UGT2B7: variants seen among roughly 807,000 people sequenced by gnomAD.
UGT2B7 encodes UDP glucuronosyltransferase family 2 member B7, also known as UDP-glucuronosyltransferase 2B7.
UGT2B7 carries 51 observed loss-of-function variants against 51.9 expected under a neutral mutation model. The ratio of observed to expected loss-of-function variants is 0.98; its 90% CI spans 0.78 to 1.24. The LOEUF (loss-of-function observed/expected upper bound fraction) is 1.24. Ranked by LOEUF, UGT2B7 falls within the 50% of genes most tolerant of loss-of-function variation. The pLI, the probability that UGT2B7 is intolerant of heterozygous loss-of-function variation, is 0.00. For synonymous variants in UGT2B7, 225 were observed against 211.6 expected, an observed-to-expected ratio of 1.06 and a Z score of -0.55; for missense variants, 727 against 628.4, an observed-to-expected ratio of 1.16 and a Z score of -1.68.
At chr4:69,097,390 A>T (rs1305511545) in intron 1 of UGT2B7, 149 bp downstream of exon 1, 2 of 1,008,124 alleles carry the variant, frequency 2.0e-6, no homozygotes, top group Non-Finnish European at 2.8e-6. Flanking sequence ...TAATCTCACA[A>T]ATATTATAGA....
At chr4:69,090,491 A>G (rs2109879117) in intron 2 of UGT2B7, among the ~76,000 whole-genome samples, 1 of 152,196 alleles carries the variant, frequency 6.6e-6, no homozygotes, top group South Asian at 2.1e-4. Flanking sequence ...TTAATATATA[A>G]AATCAAGGAG....
intron 1 of UGT2B7, among the ~76,000 whole-genome samples, chr4:69,060,874 G>C (rs1364843243): frequency 1.3e-5 from 2 of 152,190 alleles, no homozygotes; most frequent in Non-Finnish European, 2.9e-5. Flanking sequence ...TTTAGAGACT[G>C]TGAGTACCCT....
chr4:69,088,348 G>T (rs1719006744), intron 1 of UGT2B7, among the ~76,000 whole-genome samples: 1 of 151,280 alleles, frequency 6.6e-6, no homozygotes, highest in African/African-American at 2.4e-5. Flanking sequence ...TCTAAAGTGT[G>T]TTTTTTTCAA....
Position 69,107,303 on chromosome 4 carries a change from G to T in UGT2B7, c.1090+41G>T. The stretch of plus-strand genomic sequence containing the variant: ...ACAAATACTGAATATATTAGTAACA[G>T]CACATTAGAGTGTTAATAGTTCATC... On this transcript the variant is annotated intron_variant, in intron 4 of 5. Coordinates refer to ENST00000305231, the MANE Select transcript of UGT2B7 (RefSeq NM_001074.4). 2.6e-6 allele frequency: 4 copies of T among 1,540,862 alleles called. No homozygotes were observed. The Admixed American group carries it at 5.8e-5, about 22-fold the overall frequency.
chr4:69,064,086 A>AAGAGAG (rs1560499729), intron 1 of UGT2B7, among the ~76,000 whole-genome samples: 7 of 102,536 alleles, frequency 6.8e-5, no homozygotes, highest in South Asian at 3.0e-4. Context: ...GAAAGAAAGA[A>AAGAGAG]AGAAAGAAAG....
chr4:69,097,774 G>A (rs1426084052), intron 1 of UGT2B7, among the ~76,000 whole-genome samples: 1 of 152,002 alleles, frequency 6.6e-6, no homozygotes, highest in African/African-American at 2.4e-5. Flanking sequence ...GCAATTTGAA[G>A]TTTCTAATGT....
At chr4:69,081,878 G>GT (rs1375991875) in intron 1 of UGT2B7, among the ~76,000 whole-genome samples, 3 of 151,968 alleles carry the variant, frequency 2.0e-5, no homozygotes, top group Non-Finnish European at 2.9e-5. Flanking sequence ...ACATATTTAG[G>GT]TTTTTTTGTT....
chr4:69,087,687 A>G (rs1482064201), intron 1 of UGT2B7, among the ~76,000 whole-genome samples: 1 of 150,086 alleles, frequency 6.7e-6, no homozygotes, highest in Non-Finnish European at 1.5e-5. Context: ...AGGTTTGAAG[A>G]ATTGCTTCGG....
At chr4:69,052,569 CAAAAAA>C (rs1204317464) in intron 1 of UGT2B7, among the ~76,000 whole-genome samples, 67 of 64,692 alleles carry the variant, frequency 1.0e-3, no homozygotes, top group Non-Finnish European at 1.4e-3. Context: ...TGGTTATCTT[CAAAAAA>C]AAAAAAAAAA....
At chr4:69,088,082 T>A (rs1719001474) in intron 1 of UGT2B7, among the ~76,000 whole-genome samples, 1 of 152,022 alleles carries the variant, frequency 6.6e-6, no homozygotes, top group Admixed American at 6.6e-5. Context: ...GTTTTCTTAA[T>A]AATGTTTGAT....
intron 1 of UGT2B7, among the ~76,000 whole-genome samples, chr4:69,082,295 A>G (rs1718855672): frequency 6.6e-6 from 1 of 152,020 alleles, no homozygotes; most frequent in African/African-American, 2.4e-5. Context: ...TTTCACTTTA[A>G]ATCAAAAGCT....
Position 69,096,862 on chromosome 4 carries a change from A to G in UGT2B7, c.342A>G (p.Glu114=), listed in dbSNP as rs1719247758. The stretch of plus-strand genomic sequence containing the variant: ...GGTTATATTTTTCACAAGTACAGGA[A>G]ATCATGTCAATATTTGGTGACATAA... ...TFWLYFSQVQ[E]IMSIFGDITR... The change falls in exon 1 of 6, where the codon GAA becomes GAG. Residue 114 remains glutamate, a synonymous_variant. Coordinates refer to ENST00000305231, the MANE Select transcript of UGT2B7 (RefSeq NM_001074.4). 1 of 1,613,638 alleles carries G rather than the reference A, an allele frequency of 6.2e-7. No individual in the cohort carries two copies. Among genetic ancestry groups the G allele is most frequent in the Non-Finnish European group, 8.5e-7 (1 of 1,179,840 alleles).
chr4:69,091,945 C>A (rs545590688), upstream of UGT2B7, among the ~76,000 whole-genome samples: 1 of 152,148 alleles, frequency 6.6e-6, no homozygotes, highest in South Asian at 2.1e-4. Context: ...TTATTATTTT[C>A]TTTTATTTTC....
chr4:69,081,744 C>G, intron 1 of UGT2B7, among the ~76,000 whole-genome samples: 1 of 152,140 alleles, frequency 6.6e-6, no homozygotes, highest in African/African-American at 2.4e-5. Context: ...CTGATTGCTC[C>G]ATAGATGGAT....
chr4:69,085,447 C>A (rs565639834), intron 1 of UGT2B7, among the ~76,000 whole-genome samples: 17 of 151,980 alleles, frequency 1.1e-4, no homozygotes, highest in African/African-American at 4.1e-4. Flanking sequence ...TTATTTTACT[C>A]AGCAGAAGCT....
intron 1 of UGT2B7, chr4:69,051,656 G>C (rs112814346): frequency 2.6e-5 from 4 of 152,446 alleles, no homozygotes; most frequent in African/African-American, 9.6e-5. Flanking sequence ...AGTGTGGCCT[G>C]ATCACCCACG....
intron 5 of UGT2B7, among the ~76,000 whole-genome samples, chr4:69,110,872 A>T (rs1719752099): frequency 6.6e-6 from 1 of 152,218 alleles, no homozygotes; most frequent in Admixed American, 6.5e-5. Context: ...TTAGTGTATG[A>T]ATATTTATCT....
chr4:69,059,322 T>C (rs1420761802), intron 1 of UGT2B7, among the ~76,000 whole-genome samples: 1 of 152,194 alleles, frequency 6.6e-6, no homozygotes, highest in Non-Finnish European at 1.5e-5. Flanking sequence ...AGGTGTGTTA[T>C]AGGAGGATGA....
chr4:69,074,741 G>A (rs1366742128), intron 1 of UGT2B7, among the ~76,000 whole-genome samples: 9 of 151,924 alleles, frequency 5.9e-5, no homozygotes, highest in Non-Finnish European at 1.3e-4. Flanking sequence ...TTGCTTCAAG[G>A]TACTATGTCT....
Sources: allele counts gnomAD v4.1 joint callset (sites outside exome capture counted in the v4.1 genomes callset), GRCh38; gene constraint gnomAD v4.1.1; transcripts MANE v1.5; gene names NCBI Gene and HGNC (gene_info 2026-07-23, HGNC 2026-07-21).